The following SCN11A variants were observed in gnomAD, a reference collection of about 807,000 sequenced individuals.
SCN11A encodes the protein sodium voltage-gated channel alpha subunit 11, also known as sodium channel protein type 11 subunit alpha.
SCN11A carries 122 observed loss-of-function variants against 162.2 expected under a neutral mutation model. That is an observed-to-expected ratio of 0.75 (90% CI 0.65 to 0.87). The LOEUF (loss-of-function observed/expected upper bound fraction) is 0.87. SCN11A is among the 40% of genes least tolerant of loss of function. The pLI is 0.00. For synonymous variants in SCN11A, 758 were observed against 751.5 expected, an observed-to-expected ratio of 1.01 and a Z score of -0.14; for missense variants, 2,015 against 2,181.6, an observed-to-expected ratio of 0.92 and a Z score of 1.52.
rs987168812 is a variant in SCN11A at position 38,867,502 on chromosome 3, G to T, written c.3814-44C>A. On this transcript the variant is annotated intron_variant, in intron 26 of 29. Transcript: ENST00000302328. ...ATAAGAGAAAAAAACAATTACTGGAGAAAAATATAAGCATTCTAACTACCT... is the reference window on the plus strand; with the variant it reads ...ATAAGAGAAAAAAACAATTACTGGATAAAAATATAAGCATTCTAACTACCT... The T allele has an allele frequency of 3.3e-6, 5 of 1,495,544 alleles. No homozygotes were observed. In the Admixed American group the frequency reaches 5.6e-5, roughly 17 times the overall value. The allele number at this position is 1,495,544 out of a possible 1,614,324, so 92.6% of individuals were successfully genotyped here. A position where few individuals can be genotyped will look rare whatever the true frequency, so the allele number is the denominator to read the frequency against.
At position 38,879,996 on chromosome 3, in the gene SCN11A, T is replaced by G; in HGVS notation, c.3347A>C (p.Lys1116Thr). The change falls in exon 23 of 30, where the codon AAG becomes ACG. Residue 1116 changes from lysine (K) to threonine (T), a missense_variant. Lys to Thr is a moderately conservative substitution (Grantham distance 78, BLOSUM62 -1). Transcript: ENST00000302328. ...VLKWVAFGFG[K>T]YFTSAWCCLD... ...GCAGCACCAGGCACTGGTGAAATAC[T>G]TTCCAAATCCGAAGGCTACCCATTT... 1 of 1,613,134 alleles carries G rather than the reference T, an allele frequency of 6.2e-7. No homozygotes were observed. Among genetic ancestry groups the G allele is most frequent in the Non-Finnish European group, 8.5e-7 (1 of 1,179,462 alleles).
chr3:38,973,329 T>C (rs1268676866), intron 2 of SCN11A, among the ~76,000 whole-genome samples: 1 of 152,102 alleles, frequency 6.6e-6, no homozygotes, highest in Admixed American at 6.5e-5. Flanking sequence ...TTTTCACAAG[T>C]CTGTTAATTA....
chr3:38,987,303 T>TCACACACACACACA, intron 2 of SCN11A, among the ~76,000 whole-genome samples: 1 of 104,400 alleles, frequency 9.6e-6, no homozygotes, highest in Non-Finnish European at 2.0e-5. Flanking sequence ...TCTCTCTCTC[T>TCACACACACACACA]CACACACACA....
At position 39,027,582 on chromosome 3, in the gene SCN11A, C is replaced by T. The variant is rs79282142; in HGVS notation, c.-280+4798G>A. Among the ~76,000 whole-genome samples the T allele has an allele frequency of 3.3e-3, 510 of 152,314 alleles. 3 individuals are homozygous for T. Among genetic ancestry groups the T allele is most frequent in the African/African-American group, 0.011 (439 of 41,570 alleles). ...CAAATGAACTTTAGGAATAAACACT[C>T]GGCTTCTGAAAGTTTAGCCCCTTAA... is the stretch of plus-strand genomic sequence containing the variant. On this transcript the variant is annotated intron_variant, in intron 2 of 29. Coordinates refer to ENST00000302328, the MANE Select transcript of SCN11A (RefSeq NM_001349253.2).
At chr3:39,025,725 G>C (rs1252303071) in intron 2 of SCN11A, among the ~76,000 whole-genome samples, 1 of 152,124 alleles carries the variant, frequency 6.6e-6, no homozygotes, top group Non-Finnish European at 1.5e-5. Context: ...CTTTACCACA[G>C]CCTGTTTTAT....
rs1559580135 is a variant in SCN11A, at chr3:39,031,546, A to AAC, written c.-280+833_-280+834insGT. On this transcript the variant is annotated intron_variant, in intron 2 of 29. Transcript: ENST00000302328. ...GTCAAACAAAAAACAAACAAACAAAAAAAAAACAAACAAAGAAGGAAGGAA... is the reference window on the plus strand; with the variant it reads ...GTCAAACAAAAAACAAACAAACAAAAACAAAAAACAAACAAAGAAGGAAGGAA... Among the ~76,000 whole-genome samples, 40 of 152,042 alleles carry AAC rather than the reference A, an allele frequency of 2.6e-4. 1 individual carries two copies. The highest frequency in any genetic ancestry group is 9.2e-4 in the African/African-American group (38 of 41,454).
chr3:39,047,938 G>C (rs1167048248), intron 1 of SCN11A, among the ~76,000 whole-genome samples: 1 of 152,194 alleles, frequency 6.6e-6, no homozygotes, highest in Non-Finnish European at 1.5e-5. Flanking sequence ...ATGTAAATTA[G>C]TTCAACCATT....
chr3:38,866,139 G>T (rs2065036670), intron 27 of SCN11A, among the ~76,000 whole-genome samples: 1 of 151,552 alleles, frequency 6.6e-6, no homozygotes, highest in Admixed American at 6.6e-5. Context: ...AATGTCCAAA[G>T]AGGGGAATGA....
At chr3:38,957,292 C>G (rs995087238) in intron 3 of SCN11A, among the ~76,000 whole-genome samples, 1 of 152,126 alleles carries the variant, frequency 6.6e-6, no homozygotes, top group South Asian at 2.1e-4. Flanking sequence ...TTACTTTTAA[C>G]GTTATATCCT....
intron 3 of SCN11A, among the ~76,000 whole-genome samples, chr3:38,955,387 A>T (rs2066669008): frequency 6.6e-6 from 1 of 152,246 alleles, no homozygotes; most frequent in South Asian, 2.1e-4. Context: ...AAATAAAACC[A>T]CATGCAGTAT....
chr3:38,856,638 T>C (rs563800662), intron 28 of SCN11A, among the ~76,000 whole-genome samples: 56 of 152,278 alleles, frequency 3.7e-4, no homozygotes, highest in African/African-American at 1.3e-3. Context: ...GCCTTAGCCA[T>C]AGCCAATGCC....
At chr3:38,974,830 C>T (rs1297344311) in intron 2 of SCN11A, among the ~76,000 whole-genome samples, 1 of 149,754 alleles carries the variant, frequency 6.7e-6, no homozygotes, top group Admixed American at 6.7e-5. Flanking sequence ...GAGAAATTTC[C>T]AGAATTATTA....
intron 2 of SCN11A, among the ~76,000 whole-genome samples, chr3:39,021,056 C>T (rs2031438438): frequency 6.6e-6 from 1 of 151,554 alleles, no homozygotes; most frequent in Non-Finnish European, 1.5e-5. Context: ...AAAAAATAAG[C>T]TTATGCACAT....
At chr3:39,018,152 G>A (rs1166975157) in intron 2 of SCN11A, among the ~76,000 whole-genome samples, 1 of 152,148 alleles carries the variant, frequency 6.6e-6, no homozygotes, top group South Asian at 2.1e-4. Flanking sequence ...ACTATTCCTG[G>A]CTTTTTGTGA....
chr3:38,908,066 A>G lies in SCN11A; in HGVS notation c.1356T>C (p.Tyr452=). Residue 452 remains tyrosine (Y), a synonymous_variant, in exon 14 of 30, where the codon TAT becomes TAC. Transcript: ENST00000302328. ...AGAGCTTTCTCTTTTTTGGGGTAAAATATGATGTTTCAAGGGAAGTAAGTG... is the reference window on the plus strand; with the variant it reads ...AGAGCTTTCTCTTTTTTGGGGTAAAGTATGATGTTTCAAGGGAAGTAAGTG... ...RSSLTSLETS[Y]FTPKKRKLFG... 6.2e-7 allele frequency: 1 copy of G among 1,613,354 alleles called. No individual in the cohort carries two copies.
chr3:39,038,532 A>G (rs1272117229), intron 1 of SCN11A, among the ~76,000 whole-genome samples: 1 of 152,240 alleles, frequency 6.6e-6, no homozygotes, highest in Non-Finnish European at 1.5e-5. Context: ...TACATTTCAA[A>G]AAAGTGTTGC....
At chr3:39,041,592 T>C (rs1408469911) in intron 1 of SCN11A, among the ~76,000 whole-genome samples, 1 of 151,920 alleles carries the variant, frequency 6.6e-6, no homozygotes, top group Non-Finnish European at 1.5e-5. Flanking sequence ...AGCAAGAATA[T>C]CAAACCCAAT....
At chr3:39,020,846 T>C (rs185621099) in intron 2 of SCN11A, among the ~76,000 whole-genome samples, 2 of 152,260 alleles carry the variant, frequency 1.3e-5, no homozygotes, top group Non-Finnish European at 2.9e-5. Flanking sequence ...GGCTCTCAAT[T>C]CTCATTTCAT....
intron 2 of SCN11A, among the ~76,000 whole-genome samples, chr3:38,992,507 T>C (rs1238157469): frequency 6.6e-6 from 1 of 152,242 alleles, no homozygotes; most frequent in Non-Finnish European, 1.5e-5. Context: ...CTTCCCCGCC[T>C]TGACAGTCAA....
Sources: allele counts gnomAD v4.1 joint callset (sites outside exome capture counted in the v4.1 genomes callset), GRCh38; gene constraint gnomAD v4.1.1; transcripts MANE v1.5; gene names NCBI Gene and HGNC (gene_info 2026-07-23, HGNC 2026-07-21).